The following NAT14 variants were observed in gnomAD, a reference collection of about 807,000 sequenced individuals.
NAT14 encodes the protein probable N-acetyltransferase 14.
NAT14 carries 14 observed loss-of-function variants against 12.1 expected under a neutral mutation model. That is an observed-to-expected ratio of 1.16 (90% CI 0.76 to 1.81). The LOEUF is 1.81. NAT14 is among the 40% of genes most tolerant of loss of function. NAT14 has a pLI of 0.00. For missense variants in NAT14, 341 were observed against 304.3 expected (o/e 1.12, Z -0.90); for synonymous variants, 156 against 145.1 (o/e 1.08, Z -0.54).
Position 55,487,429 on chromosome 19 carries a change from T to A in NAT14, c.*473T>A, listed in dbSNP as rs950826872. 9 of 400,706 alleles carry A rather than the reference T, an allele frequency of 2.2e-5. No individual in the cohort carries two copies. The highest frequency in any genetic ancestry group is 4.0e-5 in the Non-Finnish European group (9 of 227,452). The allele number at this position is 400,706 out of a possible 1,614,324, so 24.8% of individuals were successfully genotyped here. The stretch of plus-strand genomic sequence containing the variant: ...TGTCCTTGGAGGGGACAAGGTTGAC[T>A]GCTTAGGAGGCGCGACGCACAGGGC... On this transcript the variant is annotated 3_prime_UTR_variant, in exon 3 of 3. Coordinates refer to ENST00000205194, the MANE Select transcript of NAT14 (RefSeq NM_020378.4).
At chr19:55,486,318 T>G (rs1986909892) in intron 2 of NAT14, 90 bp from the exon 3 acceptor site, 6 of 1,383,268 alleles carry the variant, frequency 4.3e-6, no homozygotes, top group Non-Finnish European at 5.6e-6. Flanking sequence ...ATTTGGGAGC[T>G]CTCACCCCGC....
chr19:55,486,744 C>T lies in NAT14; in HGVS notation c.409C>T (p.Arg137Trp), dbSNP rs1038327061. ...RLSVSRWHRR[R>W]GVGRRLLAFA... ...GTCTGTCTCTCGCTGGCACCGCCGC[C>T]GGGGCGTGGGCAGGAGGCTGCTGGC... The change falls in exon 3 of 3, where the codon CGG (arginine) becomes TGG (tryptophan). Residue 137 changes from arginine to tryptophan, a missense_variant. Transcript: ENST00000205194. The T allele has an allele frequency of 1.3e-5, 19 of 1,413,870 alleles. No homozygotes were observed. The highest frequency in any genetic ancestry group is 4.5e-4 in the Middle Eastern group (2 of 4,454). 87.6% of individuals were successfully genotyped at this position (1,413,870 alleles called of 1,614,324 possible).
intron 1 of NAT14, among the ~76,000 whole-genome samples, 156 bp downstream of exon 1, chr19:55,485,414 G>A (rs998149714): frequency 2.0e-5 from 3 of 152,076 alleles, no homozygotes; most frequent in African/African-American, 7.2e-5. Flanking sequence ...GTGCTGCAGT[G>A]TTGGCGTCCG....
chr19:55,485,820 A>C, intron 2 of NAT14, 40 bp downstream of exon 2: 1 of 1,446,888 alleles, frequency 6.9e-7, no homozygotes, highest in Non-Finnish European at 9.5e-7. Context: ...GAGTGGCTGC[A>C]GTGGGGGAAT....
intron 1 of NAT14, 106 bp from the exon 2 acceptor site, chr19:55,485,555 T>A: frequency 1.6e-6 from 1 of 620,824 alleles, no homozygotes. Flanking sequence ...CCCCGAGGGT[T>A]CTCAGTGTCC....
chr19:55,485,744 G>A lies in NAT14; in HGVS notation c.36G>A (p.Arg12=), dbSNP rs1986897196. 2 of 1,551,156 alleles carry A rather than the reference G, an allele frequency of 1.3e-6. No individual in the cohort carries two copies. The highest frequency in any genetic ancestry group is 2.4e-5 in the East Asian group (1 of 40,902). ...APSHLSVREM[R]EDEKPLVLEM... The stretch of plus-strand genomic sequence containing the variant: ...GCCACCTGTCAGTGCGGGAGATGAG[G>A]GAAGATGAGAAGCCCCTGGTGCTGG... The change falls in exon 2 of 3, where the codon AGG becomes AGA. Residue 12 remains arginine (R), a synonymous_variant. Coordinates refer to ENST00000205194, the MANE Select transcript of NAT14 (RefSeq NM_020378.4).
rs1007341360 is a variant in NAT14, at chr19:55,486,640, G to A, written c.305G>A (p.Arg102Gln). 2.0e-6 allele frequency: 3 copies of A among 1,513,996 alleles called. No individual in the cohort carries two copies. The highest frequency in any genetic ancestry group is 1.8e-6 in the Non-Finnish European group (2 of 1,141,646). 93.8% of individuals were successfully genotyped at this position (1,513,996 alleles called of 1,614,324 possible). A position where few individuals can be genotyped will look rare whatever the true frequency, so the allele number is the denominator to read the frequency against. Residue 102 changes from arginine to glutamine, a missense_variant, in exon 3 of 3, where the codon CGG becomes CAG. By Grantham distance (43) the Arg-to-Gln change is conservative. Transcript: ENST00000205194. Reference protein sequence around the residue: ...GGLGGPWVAVRGSGDVCGVLA... With the variant: ...GGLGGPWVAVQGSGDVCGVLA... ...CTGGGGGGCCCCTGGGTGGCCGTGC[G>A]GGGCTCCGGTGACGTGTGTGGGGTC... is the stretch of plus-strand genomic sequence containing the variant.
chr19:55,486,450 T>G lies in NAT14; in HGVS notation c.115T>G (p.Leu39Val). Residue 39 changes from leucine (L) to valine (V), a missense_variant, in exon 3 of 3, where the codon TTG becomes GTG. Leu to Val is a conservative substitution (Grantham distance 32). Transcript: ENST00000205194. ...DTENRVALHA[L>V]TRPPALLLLA... ...GGAAAACCGCGTGGCCCTCCATGCC[T>G]TGACACGGCCGCCGGCCCTGCTCCT... 3 of 1,534,458 alleles carry G rather than the reference T, an allele frequency of 2.0e-6. No individual in the cohort carries two copies. Among genetic ancestry groups the G allele is most frequent in the Non-Finnish European group, 2.6e-6 (3 of 1,151,102 alleles).
chr19:55,486,701 G>A lies in NAT14; in HGVS notation c.366G>A (p.Gly122=). 7.0e-7 allele frequency: 1 copy of A among 1,423,896 alleles called. No individual in the cohort carries two copies. The highest frequency in any genetic ancestry group is 9.1e-7 in the Non-Finnish European group (1 of 1,100,490). 88.2% of individuals were successfully genotyped at this position (1,423,896 alleles called of 1,614,324 possible). Residue 122 remains glycine (G), a synonymous_variant, in exon 3 of 3, where the codon GGG becomes GGA. Transcript: ENST00000205194. ...ALAPGTNAGD[G]ARVTRLSVSR... ...CCCCTGGCACAAATGCAGGGGACGG[G>A]GCCCGGGTCACCCGCCTGTCTGTCT... is the stretch of plus-strand genomic sequence containing the variant.
chr19:55,485,420 G>A (rs1214595759), intron 1 of NAT14, among the ~76,000 whole-genome samples, 162 bp downstream of exon 1: 1 of 151,962 alleles, frequency 6.6e-6, no homozygotes, highest in East Asian at 1.9e-4. Flanking sequence ...CAGTGTTGGC[G>A]TCCGCAGCGC....
intron 1 of NAT14, 35 bp downstream of exon 1, chr19:55,485,293 G>C (rs1223471953): frequency 5.5e-6 from 1 of 180,782 alleles, no homozygotes; most frequent in Non-Finnish European, 1.2e-5. Context: ...GGCGCGGGAC[G>C]GGGACGACTG....
In NAT14 at chr19:55,486,398, C is replaced by T. The variant is rs1986912540; in HGVS notation, c.73-10C>T. ...GTTTCGGATGGCTGAGCCACCCCTC[C>T]TGCCCACAGGCCGGCGTGAAGGACA... On this transcript the variant is annotated splice_polypyrimidine_tract_variant and intron_variant, in intron 2 of 2. Transcript: ENST00000205194. The T allele has an allele frequency of 4.2e-6, 6 of 1,442,956 alleles. No homozygotes were observed. The highest frequency in any genetic ancestry group is 5.4e-6 in the Non-Finnish European group (6 of 1,103,934). The allele number at this position is 1,442,956 out of a possible 1,614,324, so 89.4% of individuals were successfully genotyped here.
intron 2 of NAT14, chr19:55,486,091 C>T: frequency 1.8e-6 from 1 of 561,858 alleles, no homozygotes; most frequent in Non-Finnish European, 3.1e-6. Flanking sequence ...AGCCCAGCAC[C>T]CCAACCTAGC....
In NAT14 at chr19:55,486,647, C is replaced by T. The variant is rs753171016; in HGVS notation, c.312C>T (p.Ser104=). 1.1e-5 allele frequency: 17 copies of T among 1,502,434 alleles called. No individual in the cohort carries two copies. In the South Asian group the frequency reaches 1.9e-4, roughly 17 times the overall value. The allele number at this position is 1,502,434 out of a possible 1,614,324, so 93.1% of individuals were successfully genotyped here. ...GCCCCTGGGTGGCCGTGCGGGGCTC[C>T]GGTGACGTGTGTGGGGTCCTGGCTC... is the stretch of plus-strand genomic sequence containing the variant. The part of the protein sequence containing the change: ...LGGPWVAVRG[S]GDVCGVLALA... Residue 104 remains serine (S), a synonymous_variant, in exon 3 of 3, where the codon TCC becomes TCT. Coordinates refer to ENST00000205194, the MANE Select transcript of NAT14 (RefSeq NM_020378.4).
At position 55,486,820 on chromosome 19, in the gene NAT14, G is replaced by A. The variant is rs1359701141; in HGVS notation, c.485G>A (p.Arg162Gln). 4.7e-6 allele frequency: 7 copies of A among 1,503,734 alleles called. No individual in the cohort carries two copies. The Admixed American group carries it at 1.0e-4, about 22-fold the overall frequency. The allele number at this position is 1,503,734 out of a possible 1,614,324, so 93.1% of individuals were successfully genotyped here. A position where few individuals can be genotyped will look rare whatever the true frequency, so the allele number is the denominator to read the frequency against. The stretch of plus-strand genomic sequence containing the variant: ...TGGGCTGGGGGCATGGGGGAGCCCC[G>A]GGCCCGGCTCGTGGTCCCCGTGGCT... ...RAWAGGMGEP[R>Q]ARLVVPVAVA... The change falls in exon 3 of 3, where the codon CGG becomes CAG. Residue 162 changes from arginine to glutamine, a missense_variant. Arg to Gln is a conservative substitution (Grantham distance 43). Transcript: ENST00000205194.
Position 55,485,704 on chromosome 19 carries a change from T to C in NAT14, c.-5T>C. ...CTTCTGGGGGGCCGGGGCCTGGGGG[T>C]TGCCATGGCCCCCAGCCACCTGTCA... On this transcript the variant is annotated 5_prime_UTR_variant, in exon 2 of 3. Transcript: ENST00000205194. 6.5e-7 allele frequency: 1 copy of C among 1,549,280 alleles called. No homozygotes were observed. The highest frequency in any genetic ancestry group is 8.7e-7 in the Non-Finnish European group (1 of 1,145,294).
chr19:55,486,539 G>C lies in NAT14; in HGVS notation c.204G>C (p.Leu68=), dbSNP rs1056530360. ...CTTCCTTCGCCCTGGCCCTCCTCCTGCCGGTGTTCCTGGCTGTGGCCGCCG... is the reference window on the plus strand; with the variant it reads ...CTTCCTTCGCCCTGGCCCTCCTCCTCCCGGTGTTCCTGGCTGTGGCCGCCG... ...VLASFALALL[L]PVFLAVAAVK... Residue 68 remains leucine, a synonymous_variant, in exon 3 of 3, where the codon CTG becomes CTC. Transcript: ENST00000205194. 1 of 1,589,398 alleles carries C rather than the reference G, an allele frequency of 6.3e-7. No individual in the cohort carries two copies.
chr19:55,485,798 CA>C lies in NAT14; in HGVS notation c.72+19del. On this transcript the variant is annotated intron_variant, in intron 2 of 2. Transcript: ENST00000205194. ...TGCTGAAGGTGAGAGGCAGGGGCCCCAGGGGGCCTGGGAGTGGCTGCAGTGG... is the reference window on the plus strand; with the variant it reads ...TGCTGAAGGTGAGAGGCAGGGGCCCCGGGGGCCTGGGAGTGGCTGCAGTGG... 1 of 1,538,582 alleles carries C rather than the reference CA, an allele frequency of 6.5e-7. No individual in the cohort carries two copies. The highest frequency in any genetic ancestry group is 8.8e-7 in the Non-Finnish European group (1 of 1,135,774).
chr19:55,486,425 G>T lies in NAT14; in HGVS notation c.90G>T (p.Thr30=). 3 of 1,491,936 alleles carry T rather than the reference G, an allele frequency of 2.0e-6. No individual in the cohort carries two copies. Among genetic ancestry groups the T allele is most frequent in the East Asian group, 2.6e-5 (1 of 38,582 alleles). 92.4% of individuals were successfully genotyped at this position (1,491,936 alleles called of 1,614,324 possible). A position where few individuals can be genotyped will look rare whatever the true frequency, so the allele number is the denominator to read the frequency against. The part of the protein sequence containing the change: ...LEMLKAGVKD[T]ENRVALHALT... ...GCCCACAGGCCGGCGTGAAGGACAC[G>T]GAAAACCGCGTGGCCCTCCATGCCT... is the stretch of plus-strand genomic sequence containing the variant. Residue 30 remains threonine (T), a synonymous_variant, in exon 3 of 3, where the codon ACG becomes ACT. Coordinates refer to ENST00000205194, the MANE Select transcript of NAT14 (RefSeq NM_020378.4).
Sources: allele counts gnomAD v4.1 joint callset (sites outside exome capture counted in the v4.1 genomes callset), GRCh38; gene constraint gnomAD v4.1.1; transcripts MANE v1.5; gene names NCBI Gene and HGNC (gene_info 2026-07-23, HGNC 2026-07-21).